The following CDK17 variants were observed in gnomAD, a reference collection of about 807,000 sequenced individuals.
CDK17 encodes cyclin-dependent kinase 17.
Under a neutral mutation model 77.6 loss-of-function variants are expected in CDK17, and 24 were observed. The observed-to-expected ratio is 0.31, with a 90% CI of 0.22 to 0.44. CDK17 has a LOEUF of 0.44. Ranked by LOEUF, CDK17 falls within the 20% of genes least tolerant of loss-of-function variation. The pLI is 1.00. For synonymous variants in CDK17, 203 were observed against 210.4 expected, an observed-to-expected ratio of 0.96 and a Z score of 0.30; for missense variants, 429 against 622.5, an observed-to-expected ratio of 0.69 and a Z score of 3.31.
At position 96,280,782 on chromosome 12, in the gene CDK17, C is replaced by T. The variant is rs775383115; in HGVS notation, c.1534+26G>A. 3.5e-5 allele frequency: 57 copies of T among 1,608,426 alleles called. 1 individual carries two copies. Among genetic ancestry groups the T allele is most frequent in the South Asian group, 5.6e-5 (5 of 89,416 alleles). ...TCCACGCAAAAATTCATGATCGACA[C>T]GTGAAATGGTTTATGACAAACACAC... On this transcript the variant is annotated intron_variant, in intron 16 of 16. Transcript: ENST00000261211.
At chr12:96,316,308 CCCA>C (rs1952716705) in intron 3 of CDK17, among the ~76,000 whole-genome samples, 1 of 151,968 alleles carries the variant, frequency 6.6e-6, no homozygotes, top group African/African-American at 2.4e-5. Flanking sequence ...GGGTCCTACG[CCCA>C]CGGAGTCTTG....
chr12:96,355,963 T>A (rs1217740072), intron 1 of CDK17, among the ~76,000 whole-genome samples: 1 of 152,208 alleles, frequency 6.6e-6, no homozygotes, highest in Non-Finnish European at 1.5e-5. Context: ...GATCACTGTC[T>A]CACACAAACT....
intron 10 of CDK17, among the ~76,000 whole-genome samples, chr12:96,294,065 C>T (rs1464402333): frequency 2.0e-5 from 3 of 152,138 alleles, no homozygotes; most frequent in East Asian, 1.9e-4. Context: ...CCTCAAATAA[C>T]AGGGCTAGTT....
chr12:96,291,177 G>A (rs1433500419), intron 10 of CDK17, among the ~76,000 whole-genome samples: 2 of 151,258 alleles, frequency 1.3e-5, no homozygotes, highest in Non-Finnish European at 2.9e-5. Flanking sequence ...ACTATCTCAT[G>A]GAATAATCAG....
At chr12:96,346,783 C>T (rs555852244) in intron 1 of CDK17, among the ~76,000 whole-genome samples, 2 of 151,998 alleles carry the variant, frequency 1.3e-5, no homozygotes, top group East Asian at 3.9e-4. Context: ...GGCATGGTGG[C>T]AGGTGCCTGT....
chr12:96,313,297 T>C, intron 4 of CDK17, 24 bp downstream of exon 4: 1 of 1,551,076 alleles, frequency 6.4e-7, no homozygotes, highest in East Asian at 2.4e-5. Flanking sequence ...TTCACAAGTA[T>C]ATTTGTATTT....
intron 1 of CDK17, among the ~76,000 whole-genome samples, chr12:96,395,833 A>T (rs1464739156): frequency 1.3e-5 from 2 of 152,156 alleles, no homozygotes; most frequent in African/African-American, 4.8e-5. Context: ...ACCTGCAGAC[A>T]GGGAGGAAAG....
chr12:96,327,189 T>C (rs1246464499), intron 2 of CDK17, among the ~76,000 whole-genome samples: 2 of 152,042 alleles, frequency 1.3e-5, no homozygotes, highest in Non-Finnish European at 1.5e-5. Flanking sequence ...GAACCAATGG[T>C]GGGGGGATTG....
At chr12:96,297,099 G>A (rs978750492) in intron 9 of CDK17, among the ~76,000 whole-genome samples, 171 bp downstream of exon 9, 1 of 152,146 alleles carries the variant, frequency 6.6e-6, no homozygotes. Context: ...AAGCTATAGT[G>A]TAGTAAACAG....
In CDK17 at chr12:96,360,453, G is replaced by A. The variant is rs145681191; in HGVS notation, c.-29-25588C>T. Among the ~76,000 whole-genome samples, 12 of 152,256 alleles carry A rather than the reference G, an allele frequency of 7.9e-5. No individual in the cohort carries two copies. In the East Asian group the frequency reaches 1.2e-3, roughly 15 times the overall value. ...ATCAAGCCTCAGGTAGGTGACTTCT[G>A]GAGGGTATCACATAATCTTTGATAC... is the stretch of plus-strand genomic sequence containing the variant. On this transcript the variant is annotated intron_variant, in intron 1 of 16. Coordinates refer to ENST00000261211, the MANE Select transcript of CDK17 (RefSeq NM_002595.5).
intron 1 of CDK17, among the ~76,000 whole-genome samples, chr12:96,335,511 G>T (rs935864466): frequency 6.6e-5 from 10 of 152,192 alleles, no homozygotes; most frequent in Admixed American, 6.5e-5. Context: ...ATCTCTAATT[G>T]TGTCTTCCTA....
At chr12:96,281,392 G>A (rs747535770) in intron 15 of CDK17, among the ~76,000 whole-genome samples, 1 of 152,146 alleles carries the variant, frequency 6.6e-6, no homozygotes. Context: ...TTTTTGAGAC[G>A]GAGTCTCACT....
intron 11 of CDK17, among the ~76,000 whole-genome samples, chr12:96,287,136 G>T (rs998624883): frequency 2.0e-5 from 3 of 152,118 alleles, no homozygotes; most frequent in Non-Finnish European, 4.4e-5. Context: ...AAAGACAGGA[G>T]TGGGGAAAAA....
chr12:96,352,315 A>G (rs774468348), intron 1 of CDK17, among the ~76,000 whole-genome samples: 1 of 152,082 alleles, frequency 6.6e-6, no homozygotes, highest in Non-Finnish European at 1.5e-5. Context: ...AAGGTGGCCA[A>G]AGGAAGGTGG....
intron 10 of CDK17, among the ~76,000 whole-genome samples, chr12:96,293,338 TA>T (rs1952353187): frequency 6.6e-6 from 1 of 152,162 alleles, no homozygotes; most frequent in South Asian, 2.1e-4. Flanking sequence ...GTGTCTGGCC[TA>T]AAGTCTATTT....
At chr12:96,298,753 G>T in intron 7 of CDK17, 116 bp downstream of exon 7, 2 of 568,524 alleles carry the variant, frequency 3.5e-6, no homozygotes, top group South Asian at 2.8e-5. Flanking sequence ...CTTTTTAAAG[G>T]TTTAATTACA....
chr12:96,357,277 C>G (rs1337827818), intron 1 of CDK17, among the ~76,000 whole-genome samples: 1 of 152,006 alleles, frequency 6.6e-6, no homozygotes, highest in Non-Finnish European at 1.5e-5. Flanking sequence ...CTAGGCAACA[C>G]AGTGAGACCC....
chr12:96,370,646 C>T (rs555385818), intron 1 of CDK17, among the ~76,000 whole-genome samples: 1 of 151,800 alleles, frequency 6.6e-6, no homozygotes, highest in African/African-American at 2.4e-5. Context: ...CTTCTCTCAC[C>T]GGTGTACAAT....
chr12:96,363,428 C>A (rs1387665486), intron 1 of CDK17, among the ~76,000 whole-genome samples: 3 of 126,232 alleles, frequency 2.4e-5, no homozygotes, highest in Non-Finnish European at 4.8e-5. Context: ...CCAGCCTGGG[C>A]AACAGAGCAA....
Sources: gnomAD v4.1 joint callset for allele counts (sites outside exome capture counted in the v4.1 genomes callset) on GRCh38, gnomAD v4.1.1 for gene constraint, MANE v1.5 for transcripts, NCBI Gene and HGNC (gene_info 2026-07-23, HGNC 2026-07-21) for gene names.